Variants in CLDN16 observed in about 807,000 individuals in gnomAD.
CLDN16 encodes the protein claudin 16.
A neutral mutation model predicts 24.6 loss-of-function variants in CLDN16; 13 were observed. The ratio of observed to expected loss-of-function variants is 0.53; its 90% CI spans 0.34 to 0.84. CLDN16 has a LOEUF of 0.84. Among genes scored for constraint, CLDN16 ranks in the 40% least tolerant of loss-of-function variants. The probability of loss-of-function intolerance (pLI) is 0.01; values close to 1 mark genes in which losing one functional copy is unlikely to be tolerated. For missense variants in CLDN16, 298 were observed against 292.7 expected (o/e 1.02, Z -0.13); for synonymous variants, 116 against 106.7 (o/e 1.09, Z -0.54).
rs756905865 is a variant in CLDN16 at position 190,404,931 on chromosome 3, C to G, written c.382+5C>G. 1 of 1,613,754 alleles carries G rather than the reference C, an allele frequency of 6.2e-7. No homozygotes were observed. The highest frequency in any genetic ancestry group is 8.5e-7 in the Non-Finnish European group (1 of 1,179,782). ...GAGCCACGTTACTAATAGCAGGTACCGGTCTGGCTGGACTAGCAACAGGGG... is the reference window on the plus strand; with the variant it reads ...GAGCCACGTTACTAATAGCAGGTACGGGTCTGGCTGGACTAGCAACAGGGG... On this transcript the variant is annotated splice_donor_5th_base_variant and intron_variant, in intron 3 of 4. Coordinates refer to ENST00000264734, the MANE Select transcript of CLDN16 (RefSeq NM_006580.4).
chr3:190,404,195 T>C (rs1263459362), intron 2 of CLDN16, among the ~76,000 whole-genome samples: 2 of 152,198 alleles, frequency 1.3e-5, no homozygotes, highest in African/African-American at 4.8e-5. Flanking sequence ...TTCCAGAAAT[T>C]ACCTTCTACT....
At chr3:190,352,304 G>C (rs2108636325) in intron 1 of CLDN16, among the ~76,000 whole-genome samples, 1 of 151,986 alleles carries the variant, frequency 6.6e-6, no homozygotes, top group East Asian at 1.9e-4. Flanking sequence ...ATTGTGCCTG[G>C]TACATATAAA....
chr3:190,381,126 G>A (rs1718361368), intron 3 of CLDN16, among the ~76,000 whole-genome samples: 1 of 152,086 alleles, frequency 6.6e-6, no homozygotes. Flanking sequence ...TTAGAAGATA[G>A]GGAGGTGACG....
intron 1 of CLDN16, among the ~76,000 whole-genome samples, chr3:190,400,035 A>G (rs1394860583): frequency 6.6e-6 from 1 of 152,052 alleles, no homozygotes; most frequent in Non-Finnish European, 1.5e-5. Flanking sequence ...CCAACCCCCT[A>G]CCCACTGGTT....
At chr3:190,358,060 G>A (rs1717813800) in intron 1 of CLDN16, among the ~76,000 whole-genome samples, 1 of 151,776 alleles carries the variant, frequency 6.6e-6, no homozygotes, top group South Asian at 2.1e-4. Flanking sequence ...AAATGAGACT[G>A]ACTGGCACGT....
intron 3 of CLDN16, among the ~76,000 whole-genome samples, chr3:190,407,248 ATTGT>A (rs543501032): frequency 4.9e-4 from 75 of 152,240 alleles, no homozygotes; most frequent in African/African-American, 1.5e-3. Flanking sequence ...ATCTGAAGAG[ATTGT>A]TTGTGAACAC....
At chr3:190,344,937 T>C (rs112086060) in intron 1 of CLDN16, among the ~76,000 whole-genome samples, 4,493 of 152,242 alleles carry the variant, frequency 0.03, 108 homozygotes, top group East Asian at 0.081. Flanking sequence ...TACCCAGAAG[T>C]GTAAATAAAT....
chr3:190,290,402 C>A, the CLDN16 span, among the ~76,000 whole-genome samples: 1 of 152,128 alleles, frequency 6.6e-6, no homozygotes, highest in African/African-American at 2.4e-5. Flanking sequence ...AAAAGAATGG[C>A]CACTTGTAGA....
Position 190,329,339 on chromosome 3 carries a change from C to A in CLDN16, n.121+6678C>A, listed in dbSNP as rs1251093299. On this transcript the variant is annotated intron_variant and non_coding_transcript_variant, in intron 1 of 4. Coordinates refer to the CLDN16 transcript ENST00000468220. ...CTAAGAGCCATGACAATTTCAAAAA[C>A]TTCTGGGGATTTTACCCAGTCATCA... Among the ~76,000 whole-genome samples the A allele has an allele frequency of 2.0e-5, 3 of 152,148 alleles. No individual in the cohort carries two copies. The South Asian group carries it at 6.2e-4, about 32-fold the overall frequency.
Position 190,388,444 on chromosome 3 carries a change from G to GT in CLDN16, c.114+2dup. 1.2e-6 allele frequency: 2 copies of GT among 1,613,784 alleles called. No homozygotes were observed. The highest frequency in any genetic ancestry group is 2.2e-5 in the South Asian group (2 of 91,082). ...GGTGAATGCTGATGACTCTCTGGAG[G>GT]TAAGAAGATAGCAGCTTCTTTTCAT... On this transcript the variant is annotated splice_donor_variant, in intron 1 of 4. Coordinates refer to ENST00000264734, the MANE Select transcript of CLDN16 (RefSeq NM_006580.4). LOFTEE classifies it high-confidence loss of function.
chr3:190,408,671 T>C (rs1348116541), intron 4 of CLDN16, among the ~76,000 whole-genome samples, 166 bp downstream of exon 4: 1 of 150,946 alleles, frequency 6.6e-6, no homozygotes, highest in East Asian at 1.9e-4. Context: ...TACTCAAACA[T>C]TATTACCCAG....
rs551186852 is a variant in CLDN16 at position 190,343,064 on chromosome 3, A to G, written n.121+20403A>G. Among the ~76,000 whole-genome samples, 7 of 152,318 alleles carry G rather than the reference A, an allele frequency of 4.6e-5. No individual in the cohort carries two copies. In the East Asian group the frequency reaches 1.3e-3, roughly 29 times the overall value. ...AAAATATTTGCAAATCATGTATCAG[A>G]GAAAGGGTTAATATAAAAGATTTAT... On this transcript the variant is annotated intron_variant and non_coding_transcript_variant, in intron 1 of 4. Coordinates refer to the CLDN16 transcript ENST00000468220.
the CLDN16 span, among the ~76,000 whole-genome samples, chr3:190,302,668 G>A: frequency 6.6e-6 from 1 of 151,918 alleles, no homozygotes; most frequent in Non-Finnish European, 1.5e-5. Flanking sequence ...CTACTTGAGA[G>A]GCTTAGGCAG....
chr3:190,346,229 A>C (rs1293066455), intron 1 of CLDN16, among the ~76,000 whole-genome samples: 1 of 152,152 alleles, frequency 6.6e-6, no homozygotes, highest in Non-Finnish European at 1.5e-5. Context: ...GGTGAGAGAG[A>C]ATAAAAATTC....
chr3:190,322,610 G>A (rs1716962662), exon 1 of CLDN16: 1 of 289,962 alleles, frequency 3.4e-6, no homozygotes, highest in South Asian at 3.5e-5. Context: ...GGCAGGACCA[G>A]GCACCAGAGC....
At chr3:190,334,273 A>G (rs954661985) in intron 1 of CLDN16, among the ~76,000 whole-genome samples, 5 of 152,218 alleles carry the variant, frequency 3.3e-5, no homozygotes, top group African/African-American at 1.2e-4. Context: ...ATGTACTCAG[A>G]TTAGGGAGAG....
At chr3:190,347,684 G>A (rs936542061) in intron 1 of CLDN16, among the ~76,000 whole-genome samples, 17 of 152,200 alleles carry the variant, frequency 1.1e-4, no homozygotes, top group East Asian at 3.9e-4. Context: ...AACTAGGCAT[G>A]TCTGCTGTGT....
At chr3:190,406,743 T>A (rs1458505001) in intron 3 of CLDN16, among the ~76,000 whole-genome samples, 1 of 141,154 alleles carries the variant, frequency 7.1e-6, no homozygotes, top group Non-Finnish European at 1.5e-5. Flanking sequence ...ATCTGGCTTT[T>A]TTTTTTTTTT....
the CLDN16 span, chr3:190,305,926 T>G: frequency 1.3e-5 from 2 of 152,226 alleles, no homozygotes; most frequent in African/African-American, 4.8e-5. Context: ...GGAATTACAC[T>G]CACACATCAT....
Sources: gnomAD v4.1 joint callset for allele counts (sites outside exome capture counted in the v4.1 genomes callset) on GRCh38, gnomAD v4.1.1 for gene constraint, MANE v1.5 for transcripts, NCBI Gene and HGNC (gene_info 2026-07-23, HGNC 2026-07-21) for gene names.